The following ZC3H8 variants were observed in gnomAD, a reference collection of about 807,000 sequenced individuals.
ZC3H8 encodes zinc finger CCCH domain-containing protein 8.
ZC3H8 carries 27 observed loss-of-function variants against 42.5 expected under a neutral mutation model. The observed-to-expected ratio is 0.64, with a 90% CI of 0.47 to 0.88. The LOEUF (loss-of-function observed/expected upper bound fraction) is 0.88. ZC3H8 is among the 40% of genes least tolerant of loss of function. The pLI, the probability that ZC3H8 is intolerant of heterozygous loss-of-function variation, is 0.00. For missense variants in ZC3H8, 277 were observed against 336.1 expected (o/e 0.82, Z 1.37); for synonymous variants, 101 against 110.1 (o/e 0.92, Z 0.52).
intron 8 of ZC3H8, among the ~76,000 whole-genome samples, chr2:112,222,480 A>G (rs1373672744): frequency 6.6e-6 from 1 of 152,218 alleles, no homozygotes; most frequent in Non-Finnish European, 1.5e-5. Flanking sequence ...CTGACATGGT[A>G]CAATATGGAT....
At chr2:112,244,645 C>T (rs964520088) in intron 2 of ZC3H8, among the ~76,000 whole-genome samples, 1 of 152,188 alleles carries the variant, frequency 6.6e-6, no homozygotes. Context: ...AGCATGTGTT[C>T]ACTCTGTGTC....
At chr2:112,248,182 C>T (rs1391884083) in intron 2 of ZC3H8, among the ~76,000 whole-genome samples, 1 of 151,922 alleles carries the variant, frequency 6.6e-6, no homozygotes, top group Non-Finnish European at 1.5e-5. Context: ...AACAATTAGC[C>T]AGGTGTGGTG....
intron 2 of ZC3H8, among the ~76,000 whole-genome samples, chr2:112,245,733 G>A (rs1423640271): frequency 6.6e-6 from 1 of 152,184 alleles, no homozygotes; most frequent in Non-Finnish European, 1.5e-5. Context: ...TAAGATCATT[G>A]ATGAAGGTGG....
intron 6 of ZC3H8, 21 bp downstream of exon 6, chr2:112,233,239 A>T: frequency 6.8e-7 from 1 of 1,462,958 alleles, no homozygotes; most frequent in Non-Finnish European, 9.3e-7. Flanking sequence ...TAAAGTCACC[A>T]TATCTTGTGA....
intron 2 of ZC3H8, among the ~76,000 whole-genome samples, chr2:112,246,283 T>G (rs570023536): frequency 6.6e-6 from 1 of 152,354 alleles, no homozygotes; most frequent in African/African-American, 2.4e-5. Flanking sequence ...CTGCAGCTTA[T>G]GGATCACGGA....
At chr2:112,251,708 T>C (rs1342645218) in intron 1 of ZC3H8, among the ~76,000 whole-genome samples, 2 of 152,222 alleles carry the variant, frequency 1.3e-5, no homozygotes, top group Non-Finnish European at 2.9e-5. Flanking sequence ...ACAGAGCTAA[T>C]ACATGGTGGA....
At chr2:112,241,787 G>A (rs1685594930) in intron 2 of ZC3H8, among the ~76,000 whole-genome samples, 1 of 152,152 alleles carries the variant, frequency 6.6e-6, no homozygotes. Flanking sequence ...AATATTCAGT[G>A]TATTAATAAA....
chr2:112,217,243 T>C (rs937714009), intron 8 of ZC3H8, among the ~76,000 whole-genome samples: 8 of 152,058 alleles, frequency 5.3e-5, no homozygotes, highest in Non-Finnish European at 1.0e-4. Context: ...TGGTGGCACA[T>C]GCCTGTAATC....
At chr2:112,218,093 ACAACT>A (rs1429251853) in intron 8 of ZC3H8, among the ~76,000 whole-genome samples, 2 of 152,200 alleles carry the variant, frequency 1.3e-5, no homozygotes, top group African/African-American at 4.8e-5. Flanking sequence ...GTCATGAAAA[ACAACT>A]CATTCAGCTT....
intron 8 of ZC3H8, among the ~76,000 whole-genome samples, chr2:112,224,209 T>G (rs372949007): frequency 2.0e-5 from 3 of 152,326 alleles, no homozygotes; most frequent in African/African-American, 7.2e-5. Context: ...ATTTAAAAAT[T>G]TAGTTTATAT....
chr2:112,230,525 T>G (rs1454890635), intron 8 of ZC3H8, among the ~76,000 whole-genome samples: 1 of 151,990 alleles, frequency 6.6e-6, no homozygotes, highest in African/African-American at 2.4e-5. Context: ...GAATGACAGC[T>G]GCATGCATCT....
At chr2:112,217,495 T>G (rs1014522332) in intron 8 of ZC3H8, among the ~76,000 whole-genome samples, 2 of 152,252 alleles carry the variant, frequency 1.3e-5, no homozygotes, top group African/African-American at 4.8e-5. Flanking sequence ...TAAAATCCAT[T>G]GGTCTTTGTA....
rs1553483034 is a variant in ZC3H8 at position 112,212,988 on chromosome 2, T to TTTTTTTTTTTTTTC, written c.*3495_*3496insGAAAAAAAAAAAAA. On this transcript the variant is annotated 3_prime_UTR_variant, in exon 9 of 9. Transcript: ENST00000409573. ...TGCTTTTTTTTTTTTTTTTTTTTTT[T>TTTTTTTTTTTTTTC]ATAAGAGACAAGGCTCTGTTGCCCA... is the stretch of plus-strand genomic sequence containing the variant. The TTTTTTTTTTTTTTC allele has an allele frequency of 8.6e-5, 10 of 115,642 alleles. No homozygotes were observed. The South Asian group carries it at 2.1e-3, about 24-fold the overall frequency. 7.2% of individuals were successfully genotyped at this position (115,642 alleles called of 1,614,324 possible). A position where few individuals can be genotyped will look rare whatever the true frequency, so the allele number is the denominator to read the frequency against.
At position 112,252,575 on chromosome 2, in the gene ZC3H8, T is replaced by C. The variant is rs1397523393; in HGVS notation, c.75-2303A>G. On this transcript the variant is annotated intron_variant, in intron 1 of 8. Coordinates refer to ENST00000409573, the MANE Select transcript of ZC3H8 (RefSeq NM_032494.3). Reference sequence around the variant, plus strand: ...CAGAGTAAAAGCCAAAGTCCTTATTTCGGCACCTACCAGTTCCTCCATGAT... The same window carrying C: ...CAGAGTAAAAGCCAAAGTCCTTATTCCGGCACCTACCAGTTCCTCCATGAT... Among the ~76,000 whole-genome samples the C allele has an allele frequency of 2.0e-5, 3 of 152,210 alleles. No individual in the cohort carries two copies. The East Asian group carries it at 5.8e-4, about 29-fold the overall frequency.
intron 8 of ZC3H8, among the ~76,000 whole-genome samples, chr2:112,226,555 C>T (rs1413827597): frequency 8.3e-6 from 1 of 119,778 alleles, no homozygotes; most frequent in Non-Finnish European, 1.6e-5. Flanking sequence ...TGCCACTGCA[C>T]TCCAGCCTGG....
Position 112,215,618 on chromosome 2 carries a change from G to C in ZC3H8, c.*866C>G, listed in dbSNP as rs763823598. On this transcript the variant is annotated 3_prime_UTR_variant, in exon 9 of 9. Coordinates refer to ENST00000409573, the MANE Select transcript of ZC3H8 (RefSeq NM_032494.3). The stretch of plus-strand genomic sequence containing the variant: ...CAACAATAAAACAATATAATGACGA[G>C]TTTCCATTTCATGGTATTTGTCTAA... 6.6e-6 allele frequency: 1 copy of C among 152,090 alleles called. No individual in the cohort carries two copies. The highest frequency in any genetic ancestry group is 2.4e-5 in the African/African-American group (1 of 41,406). The allele number at this position is 152,090 out of a possible 1,614,324, so 9.4% of individuals were successfully genotyped here. A position where few individuals can be genotyped will look rare whatever the true frequency, so the allele number is the denominator to read the frequency against.
intron 4 of ZC3H8, among the ~76,000 whole-genome samples, 199 bp downstream of exon 4, chr2:112,236,363 A>G (rs1685335020): frequency 6.6e-6 from 1 of 152,254 alleles, no homozygotes; most frequent in Non-Finnish European, 1.5e-5. Context: ...GCAGCTAATC[A>G]GTGAGAAAAA....
intron 8 of ZC3H8, among the ~76,000 whole-genome samples, chr2:112,224,535 G>C (rs536850451): frequency 6.6e-6 from 1 of 152,254 alleles, no homozygotes; most frequent in South Asian, 2.1e-4. Context: ...AAATTACATT[G>C]CCTCAAAGAC....
chr2:112,215,341 A>AGATG lies in ZC3H8; in HGVS notation c.*1139_*1142dup. 1 of 152,342 alleles carries AGATG rather than the reference A, an allele frequency of 6.6e-6. No individual in the cohort carries two copies. Among genetic ancestry groups the AGATG allele is most frequent in the East Asian group, 1.9e-4 (1 of 5,182 alleles). 9.4% of individuals were successfully genotyped at this position (152,342 alleles called of 1,614,324 possible). On this transcript the variant is annotated 3_prime_UTR_variant, in exon 9 of 9. Transcript: ENST00000409573. The stretch of plus-strand genomic sequence containing the variant: ...GGGCAGACAGCAAAAGGGCACTGAG[A>AGATG]GATGACTTGCTCTCCATTCCTCAGT...
Sources: allele counts gnomAD v4.1 joint callset (sites outside exome capture counted in the v4.1 genomes callset), GRCh38; gene constraint gnomAD v4.1.1; transcripts MANE v1.5; gene names NCBI Gene and HGNC (gene_info 2026-07-23, HGNC 2026-07-21).